PKD2L2: variants seen among roughly 807,000 people sequenced by gnomAD.
PKD2L2 encodes polycystin 2 like 2, transient receptor potential cation channel.
Under a neutral mutation model 83.9 loss-of-function variants are expected in PKD2L2, and 67 were observed. The ratio of observed to expected loss-of-function variants is 0.80; its 90% CI spans 0.66 to 0.98. The LOEUF (loss-of-function observed/expected upper bound fraction) is 0.98, where lower values mean the gene tolerates loss of function less well. Among genes scored for constraint, PKD2L2 ranks in the 50% least tolerant of loss-of-function variants. The pLI, the probability that PKD2L2 is intolerant of heterozygous loss-of-function variation, is 0.00. For missense variants in PKD2L2, 632 were observed against 717.2 expected (o/e 0.88, Z 1.36); for synonymous variants, 223 against 237.8 (o/e 0.94, Z 0.57).
chr5:137,908,651 G>T (rs1757559478), intron 7 of PKD2L2, 114 bp from the exon 8 acceptor site: 2 of 593,522 alleles, frequency 3.4e-6, no homozygotes, highest in Admixed American at 3.5e-5. Flanking sequence ...AAACACCCAT[G>T]ATTATCATTA....
intron 12 of PKD2L2, among the ~76,000 whole-genome samples, chr5:137,929,187 C>T (rs946036896): frequency 1.3e-5 from 2 of 152,068 alleles, no homozygotes; most frequent in East Asian, 1.9e-4. Flanking sequence ...GATGGCCGGG[C>T]GCAATGGCTC....
At chr5:137,920,755 C>CT (rs1181353734) in intron 8 of PKD2L2, among the ~76,000 whole-genome samples, 1 of 62,588 alleles carries the variant, frequency 1.6e-5, no homozygotes, top group Non-Finnish European at 3.8e-5. Context: ...GAAACTCCAT[C>CT]TAAAAAAAAA....
chr5:137,897,317 A>G lies in PKD2L2; in HGVS notation c.525-2199A>G, dbSNP rs534033500. Among the ~76,000 whole-genome samples, 10 of 152,154 alleles carry G rather than the reference A, an allele frequency of 6.6e-5. No individual in the cohort carries two copies. In the South Asian group the frequency reaches 2.1e-3, roughly 32 times the overall value. ...AGCAATTCACCCGCCTCGGCCTCCC[A>G]AAGTGCTGGAATTACAGGTGTGCAC... On this transcript the variant is annotated intron_variant, in intron 4 of 14. Coordinates refer to ENST00000508883, the MANE Select transcript of PKD2L2 (RefSeq NM_001300921.2).
chr5:137,900,888 A>G (rs1561679871), intron 5 of PKD2L2, among the ~76,000 whole-genome samples: 1 of 152,232 alleles, frequency 6.6e-6, no homozygotes, highest in Non-Finnish European at 1.5e-5. Context: ...CTATAATCCC[A>G]GCACTTTGGG....
chr5:137,892,479 G>T lies in PKD2L2; in HGVS notation c.134-1G>T. The T allele has an allele frequency of 6.8e-7, 1 of 1,467,144 alleles. No homozygotes were observed. Among genetic ancestry groups the T allele is most frequent in the Non-Finnish European group, 9.2e-7 (1 of 1,090,390 alleles). The allele number at this position is 1,467,144 out of a possible 1,614,324, so 90.9% of individuals were successfully genotyped here. On this transcript the variant is annotated splice_acceptor_variant, in intron 2 of 14. Transcript: ENST00000508883. LOFTEE classifies it high-confidence loss of function. ...ATTAAACAAAAAATTATTCTCCTTA[G>T]TGACTTTTGGGATGGTAAACCCACA...
At chr5:137,909,011 C>T in intron 8 of PKD2L2, 65 bp downstream of exon 8, 1 of 863,920 alleles carries the variant, frequency 1.2e-6, no homozygotes, top group Non-Finnish European at 1.8e-6. Context: ...TTGGAAAGGT[C>T]TAACCTTCTA....
chr5:137,893,553 G>C (rs1240801903), intron 3 of PKD2L2, among the ~76,000 whole-genome samples: 5 of 152,138 alleles, frequency 3.3e-5, no homozygotes, highest in Admixed American at 3.3e-4. Context: ...CATGAATCAG[G>C]GATGGGTATT....
intron 14 of PKD2L2, 144 bp from the exon 15 acceptor site, chr5:137,942,238 GAA>G (rs1177134239): frequency 1.7e-6 from 1 of 583,932 alleles, no homozygotes; most frequent in Admixed American, 3.0e-5. Context: ...TCTTCCCAGT[GAA>G]GTCAGGGCTC....
chr5:137,892,711 A>T, intron 3 of PKD2L2, 98 bp downstream of exon 3: 1 of 936,486 alleles, frequency 1.1e-6, no homozygotes. Flanking sequence ...TGAAGAAATG[A>T]ATAAAAATAA....
At chr5:137,911,507 C>T (rs1757832026) in intron 8 of PKD2L2, among the ~76,000 whole-genome samples, 1 of 152,078 alleles carries the variant, frequency 6.6e-6, no homozygotes, top group African/African-American at 2.4e-5. Context: ...ATTGCTGGAT[C>T]ATATGATCTA....
intron 14 of PKD2L2, chr5:137,941,828 C>G: frequency 1.2e-6 from 1 of 815,314 alleles, no homozygotes; most frequent in Non-Finnish European, 1.9e-6. Context: ...TAAAATTTTT[C>G]AGTGCTAGCA....
chr5:137,931,476 T>C (rs1312033032), intron 12 of PKD2L2, among the ~76,000 whole-genome samples: 1 of 152,222 alleles, frequency 6.6e-6, no homozygotes, highest in Non-Finnish European at 1.5e-5. Flanking sequence ...CACACAATAA[T>C]ATATGAAGAT....
intron 4 of PKD2L2, among the ~76,000 whole-genome samples, chr5:137,896,601 A>T (rs1215355342): frequency 6.6e-6 from 1 of 152,034 alleles, no homozygotes; most frequent in Non-Finnish European, 1.5e-5. Context: ...TTGTAGAAAC[A>T]GGGTCTTTCT....
At chr5:137,904,984 A>G (rs1383369411) in intron 5 of PKD2L2, among the ~76,000 whole-genome samples, 1 of 152,228 alleles carries the variant, frequency 6.6e-6, no homozygotes, top group Non-Finnish European at 1.5e-5. Context: ...AAGTTCTCTC[A>G]GAAAATCAGA....
At chr5:137,935,381 A>C (rs565453185) in intron 12 of PKD2L2, among the ~76,000 whole-genome samples, 1 of 152,328 alleles carries the variant, frequency 6.6e-6, no homozygotes, top group African/African-American at 2.4e-5. Context: ...AAGTCATCTG[A>C]CTGAGAAGCT....
At chr5:137,918,974 G>T (rs915094384) in intron 8 of PKD2L2, among the ~76,000 whole-genome samples, 3 of 151,652 alleles carry the variant, frequency 2.0e-5, no homozygotes, top group Non-Finnish European at 2.9e-5. Flanking sequence ...GTGTGAGTGT[G>T]TGTGTGTGTG....
At position 137,908,808 on chromosome 5, in the gene PKD2L2, C is replaced by A; in HGVS notation, c.1190C>A (p.Ser397Ter). 6.3e-7 allele frequency: 1 copy of A among 1,591,614 alleles called. No homozygotes were observed. The change falls in exon 8 of 15, where the codon TCA becomes TAA. Residue 397 changes from serine to a stop codon, truncating the protein, a stop_gained. Coordinates refer to ENST00000508883, the MANE Select transcript of PKD2L2 (RefSeq NM_001300921.2). LOFTEE classifies it high-confidence loss of function. ...ISFNKTMSQLSSTLSRCVKDI... is the reference protein window; with the variant it reads ...ISFNKTMSQL ...TTTAACAAGACAATGTCTCAGCTGT[C>A]ATCAACCTTGTCCCGTTGTGTTAAA...
intron 8 of PKD2L2, among the ~76,000 whole-genome samples, chr5:137,913,056 G>GT (rs1433933158): frequency 7.3e-5 from 11 of 151,410 alleles, no homozygotes; most frequent in African/African-American, 2.7e-4. Flanking sequence ...TGTTTTTTTA[G>GT]TGGAGATGGG....
chr5:137,894,005 G>A (rs1756223246), intron 3 of PKD2L2, among the ~76,000 whole-genome samples: 1 of 152,140 alleles, frequency 6.6e-6, no homozygotes, highest in Admixed American at 6.5e-5. Context: ...GTTGGGAGGA[G>A]GGGTACAGAC....
Sources: allele counts gnomAD v4.1 joint callset (sites outside exome capture counted in the v4.1 genomes callset), GRCh38; gene constraint gnomAD v4.1.1; transcripts MANE v1.5; gene names NCBI Gene and HGNC (gene_info 2026-07-23, HGNC 2026-07-21).